TCF25: variants seen among roughly 807,000 people sequenced by gnomAD.
The protein encoded by TCF25 is TCF25 ribosome quality control complex subunit.
TCF25 carries 41 observed loss-of-function variants against 83.1 expected under a neutral mutation model. That is an observed-to-expected ratio of 0.49 (90% CI 0.38 to 0.64). The LOEUF is 0.64. Ranked by LOEUF, TCF25 falls within the 30% of genes least tolerant of loss-of-function variation. TCF25 has a pLI of 0.00. For synonymous variants in TCF25, 458 were observed against 365.0 expected (o/e 1.25, Z -2.90); for missense variants, 979 against 914.5 (o/e 1.07, Z -0.91).
Position 89,905,077 on chromosome 16 carries a change from G to A in TCF25, c.1609G>A (p.Val537Met), listed in dbSNP as rs375813052. ...AGCAGTGGACGCCGGGGACCCAGCC[G>A]TGGAAGCCTGTGAGAACCGGTGAGC... Reference protein sequence around the residue: ...LQAVDAGDPAVEACENRRKVL... With the variant: ...LQAVDAGDPAMEACENRRKVL... Residue 537 changes from valine (V) to methionine (M), a missense_variant, in exon 14 of 18, where the codon GTG (valine) becomes ATG (methionine). Physicochemically the swap from Val to Met is conservative, Grantham distance 21. Coordinates refer to ENST00000263346, the MANE Select transcript of TCF25 (RefSeq NM_014972.3). 1.3e-5 allele frequency: 21 copies of A among 1,598,184 alleles called. No homozygotes were observed. The highest frequency in any genetic ancestry group is 5.4e-5 in the African/African-American group (4 of 74,692).
In TCF25 at chr16:89,911,348, C is replaced by T; in HGVS notation, c.*110C>T. 1 of 1,397,482 alleles carries T rather than the reference C, an allele frequency of 7.2e-7. No homozygotes were observed. 86.6% of individuals were successfully genotyped at this position (1,397,482 alleles called of 1,614,324 possible). On this transcript the variant is annotated 3_prime_UTR_variant, in exon 18 of 18. Transcript: ENST00000263346. ...GAAGCTGAGTGTGTCGCTCCCTGGT[C>T]CACTGTTTCTCCTATAAATGTAAAT...
At chr16:89,905,613 C>T (rs1057266825) in intron 14 of TCF25, among the ~76,000 whole-genome samples, 6 of 152,182 alleles carry the variant, frequency 3.9e-5, no homozygotes, top group African/African-American at 1.4e-4. Flanking sequence ...AGGCTCAGGA[C>T]CGCCTGGGAG....
chr16:89,911,169 C>T lies in TCF25; in HGVS notation c.1962C>T (p.Ala654=). 1 of 1,612,358 alleles carries T rather than the reference C, an allele frequency of 6.2e-7. No homozygotes were observed. The highest frequency in any genetic ancestry group is 8.5e-7 in the Non-Finnish European group (1 of 1,179,982). ...RLMLAVRDMM[A]NFHLNDLEAP... ...TGCTGGCTGTGCGCGACATGATGGC[C>T]AACTTCCACCTCAACGACCTGGAGG... Residue 654 remains alanine, a synonymous_variant, in exon 18 of 18, where the codon GCC becomes GCT. Coordinates refer to ENST00000263346, the MANE Select transcript of TCF25 (RefSeq NM_014972.3).
At position 89,892,423 on chromosome 16, in the gene TCF25, T is replaced by C. The variant is rs1296766926; in HGVS notation, c.697+148T>C. Reference sequence around the variant, plus strand: ...GTGTGTTCTGTGCACTGGCCTGCGCTGGGCACCAGGGGCGTCAGTGCCTCT... The same window carrying C: ...GTGTGTTCTGTGCACTGGCCTGCGCCGGGCACCAGGGGCGTCAGTGCCTCT... On this transcript the variant is annotated intron_variant, in intron 6 of 17. Coordinates refer to ENST00000263346, the MANE Select transcript of TCF25 (RefSeq NM_014972.3). The C allele has an allele frequency of 3.3e-6, 3 of 896,436 alleles. No individual in the cohort carries two copies. In the African/African-American group the frequency reaches 5.0e-5, roughly 15 times the overall value. The allele number at this position is 896,436 out of a possible 1,614,324, so 55.5% of individuals were successfully genotyped here. A position where few individuals can be genotyped will look rare whatever the true frequency, so the allele number is the denominator to read the frequency against.
At position 89,906,292 on chromosome 16, in the gene TCF25, A is replaced by G; in HGVS notation, c.1719+8A>G. On this transcript the variant is annotated splice_region_variant and intron_variant, in intron 15 of 17. Transcript: ENST00000263346. ...GTCGCTGCCCTGCCCCCGGTAAGGG[A>G]GAAAGGCTGAAATGGGAGCTCTGTG... 6.2e-7 allele frequency: 1 copy of G among 1,612,182 alleles called. No homozygotes were observed. The highest frequency in any genetic ancestry group is 1.1e-5 in the South Asian group (1 of 90,906).
Position 89,900,691 on chromosome 16 carries a change from T to C in TCF25, c.1278T>C (p.Tyr426=). ...TTGCCTTCTCTGTTCCACTGGCGTA[T>C]TTCCTGCTGAGCCAGCAGACAGACC... ...PNFAFSVPLA[Y]FLLSQQTDLP... Residue 426 remains tyrosine, a synonymous_variant, in exon 12 of 18, where the codon TAT becomes TAC. Transcript: ENST00000263346. 6.2e-7 allele frequency: 1 copy of C among 1,605,874 alleles called. No homozygotes were observed. The highest frequency in any genetic ancestry group is 8.5e-7 in the Non-Finnish European group (1 of 1,173,046).
rs1371893154 is a variant in TCF25, at chr16:89,911,253, G to A, written c.*15G>A. 1.9e-6 allele frequency: 3 copies of A among 1,611,366 alleles called. No individual in the cohort carries two copies. The African/African-American group carries it at 4.0e-5, about 22-fold the overall frequency. ...AGTGGGACTGAGCGTCCGCAGAGGT[G>A]ACCGAAAAGCCGTATGATGATGTTC... On this transcript the variant is annotated 3_prime_UTR_variant, in exon 18 of 18. Transcript: ENST00000263346.
At chr16:89,903,901 G>C (rs977837130) in intron 12 of TCF25, among the ~76,000 whole-genome samples, 1 of 152,172 alleles carries the variant, frequency 6.6e-6, no homozygotes, top group African/African-American at 2.4e-5. Flanking sequence ...CCTCCTTGGG[G>C]CTGGTGTGAA....
chr16:89,899,682 C>T (rs897710607), intron 11 of TCF25, among the ~76,000 whole-genome samples: 1 of 151,740 alleles, frequency 6.6e-6, no homozygotes, highest in African/African-American at 2.4e-5. Flanking sequence ...GAGCCGAGAT[C>T]GCGCCATTGC....
At chr16:89,875,843 T>TTTTTTTTTTTTTTTTTG in intron 1 of TCF25, among the ~76,000 whole-genome samples, 1 of 139,692 alleles carries the variant, frequency 7.2e-6, no homozygotes. Context: ...TTTTTTTTTT[T>TTTTTTTTTTTTTTTTTG]TTTTTGGTTA....
chr16:89,901,114 CAG>C (rs1353787655), intron 12 of TCF25: 1 of 247,988 alleles, frequency 4.0e-6, no homozygotes, highest in African/African-American at 2.1e-5. Flanking sequence ...GAGAGCAAAG[CAG>C]GGGAAGGTCT....
chr16:89,894,904 C>G, intron 7 of TCF25, 134 bp from the exon 8 acceptor site: 1 of 653,004 alleles, frequency 1.5e-6, no homozygotes, highest in Non-Finnish European at 2.5e-6. Context: ...CTCAGCCTCC[C>G]AAAGTGGTGG....
intron 9 of TCF25, among the ~76,000 whole-genome samples, chr16:89,898,218 G>A (rs1357968994): frequency 1.3e-5 from 2 of 152,236 alleles, no homozygotes; most frequent in Non-Finnish European, 2.9e-5. Context: ...ATGGATCTCT[G>A]TGTGCTGGGC....
rs991577129 is a variant in TCF25, at chr16:89,904,930, T to TC, written c.1470-3dup. 8.1e-6 allele frequency: 13 copies of TC among 1,600,066 alleles called. No homozygotes were observed. The highest frequency in any genetic ancestry group is 4.0e-5 in the African/African-American group (3 of 74,510). ...GGGGTTCTGCTCAGAGCCCTTGCTC[T>TC]CCCCCAGCCAGCCCCCTGCCCTGAG... On this transcript the variant is annotated splice_polypyrimidine_tract_variant and splice_region_variant and intron_variant, in intron 13 of 17. Coordinates refer to ENST00000263346, the MANE Select transcript of TCF25 (RefSeq NM_014972.3).
At chr16:89,906,155 G>A (rs759999280) in intron 14 of TCF25, 39 bp from the exon 15 acceptor site, 1 of 1,581,866 alleles carries the variant, frequency 6.3e-7, no homozygotes, top group Non-Finnish European at 8.6e-7. Flanking sequence ...TTCATTTGCT[G>A]TGCTTTATCT....
chr16:89,875,988 GC>G (rs749796641), intron 1 of TCF25, among the ~76,000 whole-genome samples: 1 of 149,314 alleles, frequency 6.7e-6, no homozygotes, highest in Non-Finnish European at 1.5e-5. Context: ...TTCTTTTAAT[GC>G]TTTTTTTTTC....
At chr16:89,903,883 C>T (rs1031243503) in intron 12 of TCF25, among the ~76,000 whole-genome samples, 4 of 152,268 alleles carry the variant, frequency 2.6e-5, no homozygotes, top group Middle Eastern at 3.4e-3. Flanking sequence ...AAATGGGGGC[C>T]CTGGCAGCCT....
intron 1 of TCF25, among the ~76,000 whole-genome samples, chr16:89,883,116 C>T (rs534748615): frequency 6.6e-6 from 1 of 152,104 alleles, no homozygotes; most frequent in Admixed American, 6.5e-5. Context: ...GCAGAGATAC[C>T]CCATAGCCTC....
chr16:89,904,158 C>G lies in TCF25; in HGVS notation c.1422C>G (p.Asp474Glu), dbSNP rs73276578. 6.2e-7 allele frequency: 1 copy of G among 1,604,890 alleles called. No homozygotes were observed. The highest frequency in any genetic ancestry group is 8.5e-7 in the Non-Finnish European group (1 of 1,175,892). ...TCGAGTCTTGCAGTGTGCGGCCCGA[C>G]GCCAGCGTTTCCAGTCACCGCTTCT... ...PLLESCSVRP[D>E]ASVSSHRFFG... Residue 474 changes from aspartate (D) to glutamate (E), a missense_variant, in exon 13 of 18, where the codon GAC becomes GAG. Asp to Glu is a conservative substitution (Grantham distance 45). Coordinates refer to ENST00000263346, the MANE Select transcript of TCF25 (RefSeq NM_014972.3).
Sources: gnomAD v4.1 joint callset for allele counts (sites outside exome capture counted in the v4.1 genomes callset) on GRCh38, gnomAD v4.1.1 for gene constraint, MANE v1.5 for transcripts, NCBI Gene and HGNC (gene_info 2026-07-23, HGNC 2026-07-21) for gene names.